KATNAL2: variants seen among roughly 807,000 people sequenced by gnomAD.
KATNAL2 encodes the protein katanin catalytic subunit A1 like 2.
Under a neutral mutation model 76.3 loss-of-function variants are expected in KATNAL2, and 52 were observed. That is an observed-to-expected ratio of 0.68 (90% CI 0.55 to 0.86). KATNAL2 has a LOEUF of 0.86. KATNAL2 is among the 40% of genes least tolerant of loss of function. The pLI is 0.00. For missense variants in KATNAL2, 660 were observed against 668.9 expected (o/e 0.99, Z 0.15); for synonymous variants, 243 against 244.2 (o/e 1.00, Z 0.05).
rs1023831009 is a variant in KATNAL2 at position 46,918,956 on chromosome 18, A to G, written c.-510+1030A>G. Among the ~76,000 whole-genome samples the G allele has an allele frequency of 8.6e-5, 13 of 151,298 alleles. No individual in the cohort carries two copies. The South Asian group carries it at 2.7e-3, about 32-fold the overall frequency. ...ATGTCTCCATGGTAATTATGTAGGTATTTGTGTAATTGTTTATTTGATATA... is the reference window on the plus strand; with the variant it reads ...ATGTCTCCATGGTAATTATGTAGGTGTTTGTGTAATTGTTTATTTGATATA... On this transcript the variant is annotated intron_variant, in intron 1 of 17. Coordinates refer to ENST00000683218, the MANE Select transcript of KATNAL2 (RefSeq NM_001387690.1).
At chr18:47,031,604 G>A (rs1569043801) in intron 3 of KATNAL2, among the ~76,000 whole-genome samples, 1 of 152,128 alleles carries the variant, frequency 6.6e-6, no homozygotes, top group Admixed American at 6.5e-5. Context: ...ACTTCTCCAG[G>A]AGAATCGTAG....
At position 46,931,648 on chromosome 18, in the gene KATNAL2, CAGAA is replaced by C. The variant is rs1339707998; in HGVS notation, c.-510+13734_-510+13737del. On this transcript the variant is annotated intron_variant, in intron 1 of 17. Transcript: ENST00000683218. ...GGCCTGGACAACAGAGCAAGACTGT[CAGAA>C]AGAAAGAAAGAGAGGGAAAGAGAGA... 5.8e-5 allele frequency among the ~76,000 whole-genome samples: 8 copies of C among 137,990 alleles called. No individual in the cohort carries two copies. In the South Asian group the frequency reaches 1.1e-3, roughly 20 times the overall value. 90.5% of individuals were successfully genotyped at this position (137,990 alleles called of 152,430 possible).
At chr18:47,035,825 C>A (rs566061345) in intron 3 of KATNAL2, among the ~76,000 whole-genome samples, 2 of 152,326 alleles carry the variant, frequency 1.3e-5, no homozygotes, top group South Asian at 4.1e-4. Context: ...CAGACTGAAT[C>A]TTCTTGGGAG....
Position 47,069,535 on chromosome 18 carries a change from TTC to T in KATNAL2, c.945_946del (p.Phe316Ter). On this transcript the variant is annotated frameshift_variant, in exon 13 of 18. Coordinates refer to ENST00000683218, the MANE Select transcript of KATNAL2 (RefSeq NM_001387690.1). LOFTEE classifies it high-confidence loss of function. Reference sequence around the variant, plus strand: ...TGTGGCCACTGAATGTAAAACAACCTTCTTTAACATTTCTGCATCCACCATTG... The same window carrying T: ...TGTGGCCACTGAATGTAAAACAACCTTTTAACATTTCTGCATCCACCATTG... Reference protein sequence around the residue: ...KAVATECKTTFFNISASTIVS... With the variant: ...KAVATECKTTXFNISASTIVS... 6.2e-7 allele frequency: 1 copy of T among 1,614,060 alleles called. No individual in the cohort carries two copies. The highest frequency in any genetic ancestry group is 8.5e-7 in the Non-Finnish European group (1 of 1,179,952).
intron 3 of KATNAL2, chr18:47,035,055 C>G (rs549058301): frequency 1.9e-6 from 3 of 1,611,826 alleles, no homozygotes; most frequent in South Asian, 1.1e-5. Flanking sequence ...TCCACCGGGC[C>G]GCTAAGTCTC....
At chr18:46,958,594 G>C (rs920735772) in intron 3 of KATNAL2, among the ~76,000 whole-genome samples, 1 of 152,034 alleles carries the variant, frequency 6.6e-6, no homozygotes, top group African/African-American at 2.4e-5. Context: ...GTGATCTTCT[G>C]GTAGCAAAGA....
At chr18:46,944,511 G>T (rs143702131) in intron 1 of KATNAL2, among the ~76,000 whole-genome samples, 1 of 152,070 alleles carries the variant, frequency 6.6e-6, no homozygotes, top group African/African-American at 2.4e-5. Context: ...GGTGGGGGTG[G>T]ATCACTTGAG....
chr18:46,942,870 AT>A, intron 1 of KATNAL2, among the ~76,000 whole-genome samples: 2 of 151,228 alleles, frequency 1.3e-5, no homozygotes, highest in South Asian at 4.2e-4. Flanking sequence ...TGGATGTTGG[AT>A]ATTGTGAATA....
In KATNAL2 at chr18:46,933,809, A is replaced by T. The variant is rs1411992642; in HGVS notation, c.-509-12248A>T. ...CTCCCCCCTCCCCCCACCCCATAAC[A>T]GTCCCCGTCCCCAGTGTGTGATGTT... is the stretch of plus-strand genomic sequence containing the variant. On this transcript the variant is annotated intron_variant, in intron 1 of 17. Coordinates refer to ENST00000683218, the MANE Select transcript of KATNAL2 (RefSeq NM_001387690.1). Among the ~76,000 whole-genome samples, 27 of 116,078 alleles carry T rather than the reference A, an allele frequency of 2.3e-4. 1 individual carries two copies. Among genetic ancestry groups the T allele is most frequent in the Non-Finnish European group, 3.5e-5 (2 of 57,510 alleles). The allele number at this position is 116,078 out of a possible 152,430, so 76.2% of individuals were successfully genotyped here.
chr18:47,033,883 T>A (rs1336613685), intron 3 of KATNAL2: 1 of 1,613,772 alleles, frequency 6.2e-7, no homozygotes, highest in Admixed American at 1.7e-5. Flanking sequence ...GTCCCAGAGC[T>A]CTGAGAAGAC....
At chr18:46,961,639 A>G (rs1013086521) in intron 3 of KATNAL2, among the ~76,000 whole-genome samples, 8 of 152,220 alleles carry the variant, frequency 5.3e-5, no homozygotes, top group Admixed American at 3.3e-4. Context: ...CTATACAGGC[A>G]TATGTGCCAA....
chr18:47,035,137 A>G lies in KATNAL2; in HGVS notation c.52-11320A>G, dbSNP rs779600546. Reference sequence around the variant, plus strand: ...CTTTCTGATTCCAGTCTCCGCCAGGATGTCTGCCGTCATGGGCAAGGCGGA... The same window carrying G: ...CTTTCTGATTCCAGTCTCCGCCAGGGTGTCTGCCGTCATGGGCAAGGCGGA... On this transcript the variant is annotated intron_variant, in intron 3 of 17. Coordinates refer to ENST00000683218, the MANE Select transcript of KATNAL2 (RefSeq NM_001387690.1). 4.1e-5 allele frequency: 66 copies of G among 1,611,652 alleles called. No homozygotes were observed. Among genetic ancestry groups the G allele is most frequent in the Non-Finnish European group, 5.1e-5 (60 of 1,179,734 alleles).
At chr18:47,080,439 A>G (rs903922673) in intron 15 of KATNAL2, among the ~76,000 whole-genome samples, 1 of 152,204 alleles carries the variant, frequency 6.6e-6, no homozygotes, top group Non-Finnish European at 1.5e-5. Context: ...TACCCCAAAA[A>G]GAAACCCTGT....
intron 1 of KATNAL2, among the ~76,000 whole-genome samples, chr18:46,927,623 T>C (rs1409172660): frequency 3.3e-5 from 5 of 152,188 alleles, no homozygotes; most frequent in African/African-American, 1.2e-4. Context: ...TGAATCTGAA[T>C]GTTGGCCTGC....
intron 15 of KATNAL2, chr18:47,084,470 A>G: frequency 1.4e-6 from 1 of 697,864 alleles, no homozygotes; most frequent in Non-Finnish European, 2.6e-6. Flanking sequence ...AAAAAATGAG[A>G]TCTAGTGGCC....
At chr18:46,950,677 A>G (rs933736526) in intron 3 of KATNAL2, among the ~76,000 whole-genome samples, 2 of 151,950 alleles carry the variant, frequency 1.3e-5, no homozygotes, top group South Asian at 4.2e-4. Context: ...TCAAAATAAC[A>G]TGTTTATACT....
At chr18:46,928,083 C>T (rs1404482294) in intron 1 of KATNAL2, among the ~76,000 whole-genome samples, 2 of 152,346 alleles carry the variant, frequency 1.3e-5, no homozygotes, top group South Asian at 2.1e-4. Context: ...CTTCTCTCAA[C>T]TCGTCAAAGT....
At chr18:47,041,431 G>A (rs1655700948) in intron 3 of KATNAL2, among the ~76,000 whole-genome samples, 1 of 152,064 alleles carries the variant, frequency 6.6e-6, no homozygotes, top group South Asian at 2.1e-4. Flanking sequence ...TTTCCAGAAT[G>A]TTATCTATTT....
At chr18:47,035,281 A>C in intron 3 of KATNAL2, 1 of 1,612,302 alleles carries the variant, frequency 6.2e-7, no homozygotes, top group Non-Finnish European at 8.5e-7. Flanking sequence ...AGAGCTGTGC[A>C]GGCGTCGCTG....
Sources: allele counts gnomAD v4.1 joint callset (sites outside exome capture counted in the v4.1 genomes callset), GRCh38; gene constraint gnomAD v4.1.1; transcripts MANE v1.5; gene names NCBI Gene and HGNC (gene_info 2026-07-23, HGNC 2026-07-21).